The following NSL1 variants were observed in gnomAD, a reference collection of about 807,000 sequenced individuals.
NSL1 encodes NSL1 component of MIS12 kinetochore complex, also known as kinetochore-associated protein NSL1 homolog.
A neutral mutation model predicts 25.4 loss-of-function variants in NSL1; 11 were observed. That is an observed-to-expected ratio of 0.43 (90% CI 0.27 to 0.72). NSL1 has a LOEUF of 0.72. Ranked by LOEUF, NSL1 falls within the 30% of genes least tolerant of loss-of-function variation. The probability of loss-of-function intolerance (pLI) is 0.19; values close to 1 mark genes in which losing one functional copy is unlikely to be tolerated. For missense variants in NSL1, 330 were observed against 342.7 expected, an observed-to-expected ratio of 0.96 and a Z score of 0.29; for synonymous variants, 118 against 120.6, an observed-to-expected ratio of 0.98 and a Z score of 0.14.
chr1:212,767,021 G>T (rs934441206), intron 4 of NSL1, among the ~76,000 whole-genome samples: 1 of 152,110 alleles, frequency 6.6e-6, no homozygotes, highest in Non-Finnish European at 1.5e-5. Context: ...ACTGCCAGAC[G>T]CAATCTACAA....
rs1457692866 is a variant in NSL1 at position 212,732,684 on chromosome 1, G to A, written c.*5724C>T. Reference sequence around the variant, plus strand: ...GACTCGAGTGTGCTGTGTTTTGGGAGCCTTAGTTTCCCAGATCCCATGGCT... The same window carrying A: ...GACTCGAGTGTGCTGTGTTTTGGGAACCTTAGTTTCCCAGATCCCATGGCT... On this transcript the variant is annotated 3_prime_UTR_variant, in exon 6 of 6. Transcript: ENST00000366977. The A allele has an allele frequency of 2.4e-5, 24 of 984,088 alleles. No individual in the cohort carries two copies. Among genetic ancestry groups the A allele is most frequent in the Non-Finnish European group, 2.7e-5 (22 of 828,868 alleles). The allele number at this position is 984,088 out of a possible 1,614,324, so 61.0% of individuals were successfully genotyped here. A position where few individuals can be genotyped will look rare whatever the true frequency, so the allele number is the denominator to read the frequency against.
Position 212,735,584 on chromosome 1 carries a change from A to T in NSL1, c.*2824T>A. On this transcript the variant is annotated 3_prime_UTR_variant, in exon 6 of 6. Coordinates refer to ENST00000366977, the MANE Select transcript of NSL1 (RefSeq NM_015471.4). The stretch of plus-strand genomic sequence containing the variant: ...GACTCAATGTTTGTGTCCCCCTAAA[A>T]TCTGTATGATGAAGCCTTAACTCCC... The T allele has an allele frequency of 3.1e-6, 3 of 965,522 alleles. No homozygotes were observed. The allele number at this position is 965,522 out of a possible 1,614,324, so 59.8% of individuals were successfully genotyped here. A position where few individuals can be genotyped will look rare whatever the true frequency, so the allele number is the denominator to read the frequency against.
chr1:212,773,368 A>G (rs1396875873), intron 4 of NSL1, among the ~76,000 whole-genome samples: 2 of 152,202 alleles, frequency 1.3e-5, no homozygotes, highest in Admixed American at 1.3e-4. Context: ...AAAAGAAGGT[A>G]AAGGATCTGA....
intron 4 of NSL1, among the ~76,000 whole-genome samples, chr1:212,742,850 T>C (rs1278247075): frequency 6.6e-6 from 1 of 152,180 alleles, no homozygotes; most frequent in Non-Finnish European, 1.5e-5. Flanking sequence ...AATATTTAGT[T>C]TGACAATAGC....
Position 212,728,226 on chromosome 1 carries a change from T to C in NSL1, c.*10182A>G. Reference sequence around the variant, plus strand: ...ACTCAATACATGGTAACTACTAGCATTATATTGATATTACCTTCAGCAAAT... The same window carrying C: ...ACTCAATACATGGTAACTACTAGCACTATATTGATATTACCTTCAGCAAAT... On this transcript the variant is annotated 3_prime_UTR_variant, in exon 6 of 6. Coordinates refer to ENST00000366977, the MANE Select transcript of NSL1 (RefSeq NM_015471.4). The C allele has an allele frequency of 1.1e-6, 1 of 942,010 alleles. No individual in the cohort carries two copies. Among genetic ancestry groups the C allele is most frequent in the South Asian group, 4.9e-5 (1 of 20,434 alleles). 58.4% of individuals were successfully genotyped at this position (942,010 alleles called of 1,614,324 possible).
intron 4 of NSL1, among the ~76,000 whole-genome samples, chr1:212,752,068 A>C (rs1453937707): frequency 6.6e-6 from 1 of 152,202 alleles, no homozygotes; most frequent in African/African-American, 2.4e-5. Flanking sequence ...CTCACCACCA[A>C]CAATGGTGTT....
At chr1:212,745,160 C>CAAAATA (rs1268799355) in intron 4 of NSL1, among the ~76,000 whole-genome samples, 14 of 117,704 alleles carry the variant, frequency 1.2e-4, no homozygotes, top group Admixed American at 9.5e-4. Flanking sequence ...AACAAACAAA[C>CAAAATA]TATATATATA....
chr1:212,739,536 T>TC lies in NSL1; in HGVS notation c.564dup (p.Lys189GlufsTer8). On this transcript the variant is annotated frameshift_variant, in exon 5 of 6. Transcript: ENST00000366977. LOFTEE classifies it low-confidence loss of function (END_TRUNC). The stretch of plus-strand genomic sequence containing the variant: ...TTTTTTTAGCACATAGCTTTTACCT[T>TC]CATGGCTTCACTGATCTCCTTTGCT... The TC allele has an allele frequency of 6.2e-7, 1 of 1,613,338 alleles. No individual in the cohort carries two copies. The highest frequency in any genetic ancestry group is 8.5e-7 in the Non-Finnish European group (1 of 1,179,602).
At position 212,732,220 on chromosome 1, in the gene NSL1, T is replaced by C; in HGVS notation, c.*6188A>G. 1.0e-6 allele frequency: 1 copy of C among 982,118 alleles called. No individual in the cohort carries two copies. Among genetic ancestry groups the C allele is most frequent in the Non-Finnish European group, 1.2e-6 (1 of 827,034 alleles). The allele number at this position is 982,118 out of a possible 1,614,324, so 60.8% of individuals were successfully genotyped here. On this transcript the variant is annotated 3_prime_UTR_variant, in exon 6 of 6. Transcript: ENST00000366977. ...AACATCTTAATCATATTACAAAACA[T>C]CTCCTTTATACAATTTTCTGCATAG...
chr1:212,779,409 C>T (rs573379959), intron 4 of NSL1, among the ~76,000 whole-genome samples: 121 of 130,338 alleles, frequency 9.3e-4, no homozygotes, highest in African/African-American at 2.2e-3. Flanking sequence ...CCCGGCCAGC[C>T]GCCCCGTCCG....
At chr1:212,778,842 G>A (rs1204053128) in intron 4 of NSL1, among the ~76,000 whole-genome samples, 10 of 151,896 alleles carry the variant, frequency 6.6e-5, no homozygotes, top group African/African-American at 2.2e-4. Context: ...AGTGAGGAGC[G>A]TCTCTGCCTG....
intron 4 of NSL1, among the ~76,000 whole-genome samples, chr1:212,772,190 G>T (rs1416193425): frequency 6.6e-6 from 1 of 152,124 alleles, no homozygotes; most frequent in Non-Finnish European, 1.5e-5. Flanking sequence ...CCCAGTGTCA[G>T]GTATGTCTTT....
rs1475890621 is a variant in NSL1 at position 212,728,198 on chromosome 1, A to G, written c.*10210T>C. ...TTTAGCATGATCATGGCATGTAGTA[A>G]GCACTCAATACATGGTAACTACTAG... On this transcript the variant is annotated 3_prime_UTR_variant, in exon 6 of 6. Transcript: ENST00000366977. The G allele has an allele frequency of 2.2e-6, 2 of 921,478 alleles. No individual in the cohort carries two copies. Among genetic ancestry groups the G allele is most frequent in the African/African-American group, 1.8e-5 (1 of 55,804 alleles). 57.1% of individuals were successfully genotyped at this position (921,478 alleles called of 1,614,324 possible). A position where few individuals can be genotyped will look rare whatever the true frequency, so the allele number is the denominator to read the frequency against.
chr1:212,774,215 T>C lies in NSL1; in HGVS notation c.499+8157A>G, dbSNP rs150761739. Among the ~76,000 whole-genome samples the C allele has an allele frequency of 5.8e-3, 890 of 152,256 alleles. 5 individuals are homozygous for C. Among genetic ancestry groups the C allele is most frequent in the Middle Eastern group, 0.027 (8 of 294 alleles). On this transcript the variant is annotated intron_variant, in intron 4 of 5. Coordinates refer to ENST00000366977, the MANE Select transcript of NSL1 (RefSeq NM_015471.4). The stretch of plus-strand genomic sequence containing the variant: ...GACAATGATTAAAAATAATATGTCA[T>C]ATATTTCAAAATAGCTAGAAGAGAA...
intron 4 of NSL1, among the ~76,000 whole-genome samples, chr1:212,743,221 G>A (rs776821520): frequency 2.6e-4 from 40 of 152,016 alleles, no homozygotes; most frequent in Non-Finnish European, 2.1e-4. Flanking sequence ...AGCGAGTGCA[G>A]TGGTGCGATC....
Position 212,791,542 on chromosome 1 carries a change from T to G in NSL1, c.222A>C (p.Arg74=). ...LPEEIREPAL[R]DAQWTFESAV... ...ACTGGTCCCGTACCCACTGCGCATC[T>G]CGCAGAGCGGGCTCCCGAATCTCCT... The change falls in exon 1 of 6, where the codon CGA becomes CGC. Residue 74 remains arginine, a synonymous_variant. Coordinates refer to ENST00000366977, the MANE Select transcript of NSL1 (RefSeq NM_015471.4). The G allele has an allele frequency of 6.2e-7, 1 of 1,613,532 alleles. No homozygotes were observed. Among genetic ancestry groups the G allele is most frequent in the Non-Finnish European group, 8.5e-7 (1 of 1,179,952 alleles).
chr1:212,728,976 T>C lies in NSL1; in HGVS notation c.*9432A>G, dbSNP rs1657897312. 8 of 984,896 alleles carry C rather than the reference T, an allele frequency of 8.1e-6. No individual in the cohort carries two copies. The South Asian group carries it at 3.3e-4, about 40-fold the overall frequency. 61.0% of individuals were successfully genotyped at this position (984,896 alleles called of 1,614,324 possible). A position where few individuals can be genotyped will look rare whatever the true frequency, so the allele number is the denominator to read the frequency against. ...ATATGAAAGAAAAAGAAATGAGGAG[T>C]AATTTTAGTAAGGAGGATTTCTAAA... is the stretch of plus-strand genomic sequence containing the variant. On this transcript the variant is annotated 3_prime_UTR_variant, in exon 6 of 6. Coordinates refer to ENST00000366977, the MANE Select transcript of NSL1 (RefSeq NM_015471.4).
intron 4 of NSL1, among the ~76,000 whole-genome samples, chr1:212,748,174 T>C (rs889308567): frequency 6.6e-6 from 1 of 152,234 alleles, no homozygotes; most frequent in Non-Finnish European, 1.5e-5. Flanking sequence ...TATGATAATA[T>C]CTGTTAACTT....
At chr1:212,767,261 A>G (rs1408343736) in intron 4 of NSL1, among the ~76,000 whole-genome samples, 1 of 152,264 alleles carries the variant, frequency 6.6e-6, no homozygotes, top group Non-Finnish European at 1.5e-5. Flanking sequence ...TCAATGGAAC[A>G]GAACAGAGAA....
Sources: gnomAD v4.1 joint callset for allele counts (sites outside exome capture counted in the v4.1 genomes callset) on GRCh38, gnomAD v4.1.1 for gene constraint, MANE v1.5 for transcripts, NCBI Gene and HGNC (gene_info 2026-07-23, HGNC 2026-07-21) for gene names.